Variants in SEMA3D observed in about 807,000 individuals in gnomAD.
SEMA3D encodes the protein semaphorin-3D.
A neutral mutation model predicts 100.1 loss-of-function variants in SEMA3D; 84 were observed. The ratio of observed to expected loss-of-function variants is 0.84; its 90% CI spans 0.70 to 1.01. The LOEUF (loss-of-function observed/expected upper bound fraction) is 1.01, where lower values mean the gene tolerates loss of function less well. SEMA3D is among the 50% of genes least tolerant of loss of function. SEMA3D has a pLI of 0.00. For synonymous variants in SEMA3D, 312 were observed against 320.7 expected, an observed-to-expected ratio of 0.97 and a Z score of 0.29; for missense variants, 875 against 934.1, an observed-to-expected ratio of 0.94 and a Z score of 0.82.
At chr7:85,140,676 G>A in intron 2 of SEMA3D, 4 of 979,524 alleles carry the variant, frequency 4.1e-6, no homozygotes, top group Non-Finnish European at 4.8e-6. Context: ...ATTATTAAGT[G>A]CTTCTGTTAA....
At chr7:85,197,604 T>C in the SEMA3D span, among the ~76,000 whole-genome samples, 1 of 152,128 alleles carries the variant, frequency 6.6e-6, no homozygotes, top group Admixed American at 6.6e-5. Flanking sequence ...TGGGCAGATG[T>C]TCTGAGGACC....
chr7:85,225,050 T>A, the SEMA3D span, among the ~76,000 whole-genome samples: 2 of 77,444 alleles, frequency 2.6e-5, no homozygotes, highest in Non-Finnish European at 4.3e-5. Context: ...TGATTTTCTT[T>A]TATATATATA....
At chr7:85,142,933 C>T (rs1185189142) in intron 2 of SEMA3D, 44 of 985,146 alleles carry the variant, frequency 4.5e-5, no homozygotes, top group Admixed American at 6.2e-5. Context: ...AATGCTGAGA[C>T]AATGCCATCT....
Position 84,998,046 on chromosome 7 carries a change from C to G in SEMA3D, c.*1394G>C, listed in dbSNP as rs1227781508. 1 of 152,026 alleles carries G rather than the reference C, an allele frequency of 6.6e-6. No individual in the cohort carries two copies. Among genetic ancestry groups the G allele is most frequent in the Non-Finnish European group, 1.5e-5 (1 of 67,940 alleles). 9.4% of individuals were successfully genotyped at this position (152,026 alleles called of 1,614,324 possible). On this transcript the variant is annotated 3_prime_UTR_variant, in exon 19 of 19. Transcript: ENST00000284136. ...CTTATTTATTGTTAAATTACAAAAACAATACTACAATTACAACAGATTAAC... is the reference window on the plus strand; with the variant it reads ...CTTATTTATTGTTAAATTACAAAAAGAATACTACAATTACAACAGATTAAC...
chr7:85,150,503 C>CACAT (rs1274214523), intron 2 of SEMA3D, among the ~76,000 whole-genome samples: 1 of 144,212 alleles, frequency 6.9e-6, no homozygotes, highest in African/African-American at 2.5e-5. Flanking sequence ...CACACACACA[C>CACAT]ATATATTTAC....
At chr7:85,148,901 T>G (rs1370161233) in intron 2 of SEMA3D, among the ~76,000 whole-genome samples, 1 of 152,104 alleles carries the variant, frequency 6.6e-6, no homozygotes, top group Non-Finnish European at 1.5e-5. Flanking sequence ...TTTCAGGTGA[T>G]TTTAAGCTTT....
At chr7:85,059,667 A>T (rs1281061838) in intron 8 of SEMA3D, among the ~76,000 whole-genome samples, 3 of 152,220 alleles carry the variant, frequency 2.0e-5, no homozygotes, top group Non-Finnish European at 4.4e-5. Context: ...GAACAGTTAA[A>T]AGGAATACCA....
intron 5 of SEMA3D, among the ~76,000 whole-genome samples, chr7:85,080,738 C>T (rs532605808): frequency 6.6e-6 from 1 of 152,216 alleles, no homozygotes; most frequent in South Asian, 2.1e-4. Flanking sequence ...AGGAGCCAGT[C>T]AGAGCCATAG....
intron 1 of SEMA3D, among the ~76,000 whole-genome samples, chr7:85,174,211 T>C (rs1446687013): frequency 6.6e-6 from 1 of 152,154 alleles, no homozygotes; most frequent in Non-Finnish European, 1.5e-5. Context: ...ACTGTAAGGA[T>C]ATGTGATTTA....
chr7:84,998,054 C>A lies in SEMA3D; in HGVS notation c.*1386G>T, dbSNP rs189339965. On this transcript the variant is annotated 3_prime_UTR_variant, in exon 19 of 19. Coordinates refer to ENST00000284136, the MANE Select transcript of SEMA3D (RefSeq NM_001384900.1). Reference sequence around the variant, plus strand: ...TTGTTAAATTACAAAAACAATACTACAATTACAACAGATTAACTCAGCAAT... The same window carrying A: ...TTGTTAAATTACAAAAACAATACTAAAATTACAACAGATTAACTCAGCAAT... The A allele has an allele frequency of 4.6e-5, 7 of 152,122 alleles. No homozygotes were observed. The highest frequency in any genetic ancestry group is 1.9e-4 in the East Asian group (1 of 5,194). 9.4% of individuals were successfully genotyped at this position (152,122 alleles called of 1,614,324 possible).
intron 3 of SEMA3D, among the ~76,000 whole-genome samples, chr7:85,103,739 G>A (rs1490836537): frequency 6.6e-6 from 1 of 151,952 alleles, no homozygotes; most frequent in Non-Finnish European, 1.5e-5. Context: ...TAGCAACACA[G>A]TTTTGGAAAA....
At chr7:85,141,952 GA>G in intron 2 of SEMA3D, 1 of 982,172 alleles carries the variant, frequency 1.0e-6, no homozygotes, top group Non-Finnish European at 1.2e-6. Flanking sequence ...CTCAAAAAAA[GA>G]GAATAGGAAA....
At chr7:85,060,700 A>C (rs1251783443) in intron 8 of SEMA3D, among the ~76,000 whole-genome samples, 2 of 152,248 alleles carry the variant, frequency 1.3e-5, no homozygotes, top group East Asian at 3.9e-4. Context: ...AGATGAGCAC[A>C]CTAGCATTAT....
At chr7:85,196,603 G>A in the SEMA3D span, among the ~76,000 whole-genome samples, 1,525 of 152,144 alleles carry the variant, frequency 0.01, 27 homozygotes, top group African/African-American at 0.035. Context: ...GGATTTACTT[G>A]AATCAATGAG....
intron 1 of SEMA3D, among the ~76,000 whole-genome samples, chr7:85,175,424 G>A (rs574375514): frequency 6.6e-6 from 1 of 152,154 alleles, no homozygotes; most frequent in African/African-American, 2.4e-5. Context: ...AGTTATTCTG[G>A]CCAAAAACTT....
chr7:85,051,332 C>T (rs192785667), intron 9 of SEMA3D, among the ~76,000 whole-genome samples: 1 of 151,954 alleles, frequency 6.6e-6, no homozygotes, highest in African/African-American at 2.4e-5. Flanking sequence ...AATCTAATAC[C>T]TAGTCTTTAA....
At chr7:85,121,146 T>C (rs1461298349) in intron 3 of SEMA3D, among the ~76,000 whole-genome samples, 1 of 152,146 alleles carries the variant, frequency 6.6e-6, no homozygotes, top group Admixed American at 6.5e-5. Flanking sequence ...GTAAAAACTA[T>C]TTGGGCGTGA....
At chr7:85,088,985 C>T (rs1423888813) in intron 4 of SEMA3D, among the ~76,000 whole-genome samples, 2 of 152,126 alleles carry the variant, frequency 1.3e-5, no homozygotes, top group African/African-American at 4.8e-5. Flanking sequence ...CTTATCACAT[C>T]CATTTGCACT....
At chr7:85,080,811 A>C (rs1177739786) in intron 5 of SEMA3D, among the ~76,000 whole-genome samples, 1 of 152,176 alleles carries the variant, frequency 6.6e-6, no homozygotes, top group Non-Finnish European at 1.5e-5. Flanking sequence ...CAACTTGGAC[A>C]GTGCAGAAAT....
Sources: allele counts gnomAD v4.1 joint callset (sites outside exome capture counted in the v4.1 genomes callset), GRCh38; gene constraint gnomAD v4.1.1; transcripts MANE v1.5; gene names NCBI Gene and HGNC (gene_info 2026-07-23, HGNC 2026-07-21).